The following SS18L1 variants were observed in gnomAD, a reference collection of about 807,000 sequenced individuals.
The protein encoded by SS18L1 is SS18L1 subunit of BAF chromatin remodeling complex.
Under a neutral mutation model 70.3 loss-of-function variants are expected in SS18L1, and 32 were observed. The observed-to-expected ratio is 0.46, with a 90% CI of 0.34 to 0.61. The LOEUF (loss-of-function observed/expected upper bound fraction) is 0.61, where lower values mean the gene tolerates loss of function less well. Ranked by LOEUF, SS18L1 falls within the 20% of genes least tolerant of loss-of-function variation. SS18L1 has a pLI of 0.01. For missense variants in SS18L1, 430 were observed against 542.1 expected (o/e 0.79, Z 2.05); for synonymous variants, 237 against 229.7 (o/e 1.03, Z -0.29).
chr20:62,173,785 G>A (rs993478988), intron 9 of SS18L1, among the ~76,000 whole-genome samples: 3 of 152,140 alleles, frequency 2.0e-5, no homozygotes, highest in African/African-American at 7.2e-5. Context: ...GGAGGCTGAG[G>A]CAGGAGGATT....
chr20:62,156,368 G>A (rs2057223379), intron 1 of SS18L1, among the ~76,000 whole-genome samples: 1 of 152,114 alleles, frequency 6.6e-6, no homozygotes, highest in Non-Finnish European at 1.5e-5. Context: ...TCCCTCACCT[G>A]CCCACTGGTA....
At chr20:62,171,626 G>A in intron 8 of SS18L1, among the ~76,000 whole-genome samples, 1 of 152,108 alleles carries the variant, frequency 6.6e-6, no homozygotes, top group East Asian at 1.9e-4. Context: ...CAATAAAGCT[G>A]TTATTTAAAA....
At chr20:62,172,949 C>T (rs1483269105) in intron 9 of SS18L1, 148 bp downstream of exon 9, 2 of 1,491,270 alleles carry the variant, frequency 1.3e-6, no homozygotes, top group East Asian at 2.4e-5. Flanking sequence ...TCGGGGCCCC[C>T]CAGCGCCCAC....
chr20:62,150,273 G>A (rs1370645182), intron 1 of SS18L1, among the ~76,000 whole-genome samples: 1 of 152,254 alleles, frequency 6.6e-6, no homozygotes, highest in East Asian at 1.9e-4. Context: ...TCGGCTTGCT[G>A]ACCTCGGGGG....
chr20:62,177,968 C>T (rs2057648519), intron 10 of SS18L1, among the ~76,000 whole-genome samples: 1 of 149,650 alleles, frequency 6.7e-6, no homozygotes, highest in Non-Finnish European at 1.5e-5. Context: ...GTGATCCTTC[C>T]AAAGTGCTGG....
intron 7 of SS18L1, among the ~76,000 whole-genome samples, 179 bp downstream of exon 7, chr20:62,164,425 G>T (rs764667805): frequency 6.6e-6 from 1 of 152,254 alleles, no homozygotes; most frequent in Non-Finnish European, 1.5e-5. Flanking sequence ...GGGATGGGGT[G>T]AGCTGGGCTG....
In SS18L1 at chr20:62,179,357, G is replaced by A; in HGVS notation, c.*149G>A. The A allele has an allele frequency of 1.2e-6, 1 of 832,852 alleles. No homozygotes were observed. Among genetic ancestry groups the A allele is most frequent in the Non-Finnish European group, 2.0e-6 (1 of 504,704 alleles). The allele number at this position is 832,852 out of a possible 1,614,324, so 51.6% of individuals were successfully genotyped here. On this transcript the variant is annotated 3_prime_UTR_variant, in exon 11 of 11. Transcript: ENST00000331758. The stretch of plus-strand genomic sequence containing the variant: ...GTGAAGCGTGCTCATTTCATGCTGG[G>A]TATGACGCCGAGCGCACACCACTGG...
In SS18L1 at chr20:62,161,700, C is replaced by T; in HGVS notation, c.376+120C>T. ...ACAGGGCTGGGCATGGGACCCACTC[C>T]TCCTGGGGTAGCCACAGGTCGGCTG... On this transcript the variant is annotated intron_variant, in intron 4 of 10. Coordinates refer to ENST00000331758, the MANE Select transcript of SS18L1 (RefSeq NM_198935.3). The surrounding 1 kb of genome is among the most constrained non-coding windows in gnomAD (Gnocchi z 4.4). 7.1e-7 allele frequency: 1 copy of T among 1,400,522 alleles called. No individual in the cohort carries two copies. The highest frequency in any genetic ancestry group is 9.5e-7 in the Non-Finnish European group (1 of 1,056,076). The allele number at this position is 1,400,522 out of a possible 1,614,324, so 86.8% of individuals were successfully genotyped here. A position where few individuals can be genotyped will look rare whatever the true frequency, so the allele number is the denominator to read the frequency against.
intron 10 of SS18L1, among the ~76,000 whole-genome samples, chr20:62,175,845 C>T (rs1456468788): frequency 2.6e-5 from 4 of 152,228 alleles, no homozygotes; most frequent in South Asian, 2.1e-4. Flanking sequence ...GCACCGTACT[C>T]GGCCATGCCT....
In SS18L1 at chr20:62,179,447, G is replaced by A. The variant is rs567679784; in HGVS notation, c.*239G>A. ...TGTATAGTATTGTATGTCGGTACAC[G>A]GAGAGGTATCCTTTTTTTGTCCCCC... On this transcript the variant is annotated 3_prime_UTR_variant, in exon 11 of 11. Coordinates refer to ENST00000331758, the MANE Select transcript of SS18L1 (RefSeq NM_198935.3). 5 of 560,534 alleles carry A rather than the reference G, an allele frequency of 8.9e-6. No individual in the cohort carries two copies. The highest frequency in any genetic ancestry group is 4.7e-4 in the Middle Eastern group (1 of 2,114). 34.7% of individuals were successfully genotyped at this position (560,534 alleles called of 1,614,324 possible). A position where few individuals can be genotyped will look rare whatever the true frequency, so the allele number is the denominator to read the frequency against.
chr20:62,154,684 C>G (rs2057191051), intron 1 of SS18L1, among the ~76,000 whole-genome samples: 1 of 152,200 alleles, frequency 6.6e-6, no homozygotes, highest in African/African-American at 2.4e-5. Context: ...GTTTTTCTCT[C>G]CTGTCATGTT....
At chr20:62,150,640 T>TTG (rs2057112160) in intron 1 of SS18L1, among the ~76,000 whole-genome samples, 1 of 66,148 alleles carries the variant, frequency 1.5e-5, no homozygotes, top group Non-Finnish European at 2.4e-5. Flanking sequence ...TGGATTTTTT[T>TTG]TTTTTTTTTT....
intron 1 of SS18L1, among the ~76,000 whole-genome samples, chr20:62,154,919 C>T (rs1440100493): frequency 6.6e-6 from 1 of 150,892 alleles, no homozygotes; most frequent in Admixed American, 6.6e-5. Flanking sequence ...TTCCAGGACT[C>T]CTCCTCAACT....
chr20:62,146,605 A>ATTTTTTT (rs10673768), intron 1 of SS18L1, among the ~76,000 whole-genome samples: 3,082 of 79,588 alleles, frequency 0.039, 420 homozygotes, highest in Admixed American at 0.074. Flanking sequence ...TGCTTTGATC[A>ATTTTTTT]TTTTTTTTTT....
rs1201185460 is a variant in SS18L1, at chr20:62,144,039, T to A, written c.69+150T>A. The A allele has an allele frequency of 3.6e-5, 12 of 331,824 alleles. No homozygotes were observed. The East Asian group carries it at 2.1e-3, about 57-fold the overall frequency. 20.6% of individuals were successfully genotyped at this position (331,824 alleles called of 1,614,324 possible). A position where few individuals can be genotyped will look rare whatever the true frequency, so the allele number is the denominator to read the frequency against. On this transcript the variant is annotated intron_variant, in intron 1 of 10. Coordinates refer to ENST00000331758, the MANE Select transcript of SS18L1 (RefSeq NM_198935.3). ...AGCCCCGACGGCGGCCCCGTGCCCT[T>A]CCCCGCGTCCCACGCCTGCGCGCCG...
chr20:62,166,259 C>T (rs2057428915), intron 8 of SS18L1, among the ~76,000 whole-genome samples: 1 of 152,200 alleles, frequency 6.6e-6, no homozygotes, highest in Non-Finnish European at 1.5e-5. Context: ...GCCTGCAGTC[C>T]CTGGGGAGAG....
Position 62,163,638 on chromosome 20 carries a change from G to T in SS18L1, c.721+16G>T. 1 of 1,548,034 alleles carries T rather than the reference G, an allele frequency of 6.5e-7. No homozygotes were observed. The highest frequency in any genetic ancestry group is 2.3e-5 in the East Asian group (1 of 43,722). On this transcript the variant is annotated intron_variant, in intron 6 of 10. Transcript: ENST00000331758. ...TCCCAGCAAGGTAACGCCCGGCCGGGCCAGGTCGCGGGCACAGCTGACCGC... is the reference window on the plus strand; with the variant it reads ...TCCCAGCAAGGTAACGCCCGGCCGGTCCAGGTCGCGGGCACAGCTGACCGC...
At chr20:62,146,781 G>A (rs893401025) in intron 1 of SS18L1, among the ~76,000 whole-genome samples, 1 of 151,796 alleles carries the variant, frequency 6.6e-6, no homozygotes. Flanking sequence ...CACCACGCCC[G>A]GCTAATTTTG....
rs147588479 is a variant in SS18L1, at chr20:62,181,578, T to C, written c.*2370T>C. 1.9e-4 allele frequency: 41 copies of C among 212,298 alleles called. No individual in the cohort carries two copies. Among genetic ancestry groups the C allele is most frequent in the African/African-American group, 8.1e-4 (36 of 44,288 alleles). The allele number at this position is 212,298 out of a possible 1,614,324, so 13.2% of individuals were successfully genotyped here. Reference sequence around the variant, plus strand: ...GAAATGTCTTACATTAAGAATATCTTGAATGTTGTGTATATATTTTAAAAA... The same window carrying C: ...GAAATGTCTTACATTAAGAATATCTCGAATGTTGTGTATATATTTTAAAAA... On this transcript the variant is annotated 3_prime_UTR_variant, in exon 11 of 11. Coordinates refer to ENST00000331758, the MANE Select transcript of SS18L1 (RefSeq NM_198935.3).
Sources: allele counts gnomAD v4.1 joint callset (sites outside exome capture counted in the v4.1 genomes callset), GRCh38; gene constraint gnomAD v4.1.1; non-coding constraint Gnocchi (gnomAD v3.1); transcripts MANE v1.5; gene names NCBI Gene and HGNC (gene_info 2026-07-23, HGNC 2026-07-21).